The following MSH6 variants were observed in gnomAD, a reference collection of about 807,000 sequenced individuals.
MSH6 encodes the protein mutS homolog 6.
In MSH6, 85 loss-of-function variants were observed where a neutral mutation model predicts 119.1. The observed-to-expected ratio is 0.71, with a 90% confidence interval of 0.60 to 0.85. The LOEUF (loss-of-function observed/expected upper bound fraction) is 0.85, where lower values mean the gene tolerates loss of function less well. Ranked by LOEUF, MSH6 falls within the 40% of genes least tolerant of loss-of-function variation. MSH6 has a pLI of 0.00. For missense variants in MSH6, 2,163 were observed against 1,655.3 expected (o/e 1.31, Z -5.32); for synonymous variants, 830 against 586.9 (o/e 1.41, Z -5.99).
In MSH6 at chr2:47,798,608, C is replaced by T. The variant is rs3136332; in HGVS notation, c.628-3C>T. Reference sequence around the variant, plus strand: ...TTTTAAATACTCTTTCCTTGCCTGGCAGGTAGGCACAACTTACGTAACAGA... The same window carrying T: ...TTTTAAATACTCTTTCCTTGCCTGGTAGGTAGGCACAACTTACGTAACAGA... On this transcript the variant is annotated splice_region_variant and splice_polypyrimidine_tract_variant and intron_variant, in intron 3 of 9. Coordinates refer to ENST00000234420, the MANE Select transcript of MSH6 (RefSeq NM_000179.3). 3 of 1,608,888 alleles carry T rather than the reference C, an allele frequency of 1.9e-6. No homozygotes were observed. Among genetic ancestry groups the T allele is most frequent in the African/African-American group, 2.7e-5 (2 of 74,866 alleles).
At chr2:47,805,183 CTTT>C (rs35781475) in intron 6 of MSH6, among the ~76,000 whole-genome samples, 156 bp downstream of exon 6, 1 of 141,146 alleles carries the variant, frequency 7.1e-6, no homozygotes, top group African/African-American at 2.6e-5. Context: ...GTCTCTCTCT[CTTT>C]TTTTTTTTTT....
downstream of MSH6, chr2:47,807,333 A>G (rs2104599907): frequency 4.7e-6 from 1 of 213,782 alleles, no homozygotes; most frequent in African/African-American, 2.3e-5. Flanking sequence ...TTACAAGAAT[A>G]CTTTTGTTTT....
intron 3 of MSH6, chr2:47,798,073 C>G: frequency 9.5e-6 from 2 of 210,752 alleles, no homozygotes; most frequent in Non-Finnish European, 2.0e-5. Context: ...GTGTCTGCTA[C>G]ACTTACAGCA....
At position 47,806,369 on chromosome 2, in the gene MSH6, A is replaced by ATTGTTTTTTTCCACAAATTCGGTTTTTT. The variant is rs1553333219; in HGVS notation, c.3801+12_3801+39dup. 5.0e-6 allele frequency: 8 copies of ATTGTTTTTTTCCACAAATTCGGTTTTTT among 1,614,016 alleles called. No homozygotes were observed. The highest frequency in any genetic ancestry group is 6.8e-6 in the Non-Finnish European group (8 of 1,179,968). On this transcript the variant is annotated intron_variant, in intron 8 of 9. Coordinates refer to ENST00000234420, the MANE Select transcript of MSH6 (RefSeq NM_000179.3). ...CGCCTAGGACATATGGTATGTGCAA[A>ATTGTTTTTTTCCACAAATTCGGTTTTTT]TTGTTTTTTTCCACAAATTCGGTTT...
intron 3 of MSH6, among the ~76,000 whole-genome samples, 192 bp from the exon 4 acceptor site, chr2:47,798,419 C>G (rs1669225332): frequency 6.6e-6 from 1 of 152,184 alleles, no homozygotes; most frequent in Non-Finnish European, 1.5e-5. Context: ...TGGGCAAGAT[C>G]ATCTAACACA....
intron 1 of MSH6, among the ~76,000 whole-genome samples, chr2:47,788,906 C>CTTTT (rs1491155839): frequency 0.014 from 229 of 15,794 alleles, 29 homozygotes; most frequent in East Asian, 0.033. Context: ...CTTTCTTCTT[C>CTTTT]CTTTTTTTTT....
rs1166644274 is a variant in MSH6 at position 47,800,837 on chromosome 2, C to G, written c.2854C>G (p.Leu952Val). 8 of 1,614,066 alleles carry G rather than the reference C, an allele frequency of 5.0e-6. No homozygotes were observed. The highest frequency in any genetic ancestry group is 6.8e-6 in the Non-Finnish European group (8 of 1,179,998). The change falls in exon 4 of 10, where the codon CTG (leucine) becomes GTG (valine). Residue 952 changes from leucine (L) to valine (V), a missense_variant. Coordinates refer to ENST00000234420, the MANE Select transcript of MSH6 (RefSeq NM_000179.3). The part of the protein sequence containing the change: ...ADIRENEQSL[L>V]EYLEKQRNRI... ...CATAAGAGAAAATGAACAGAGCCTC[C>G]TGGAATACCTAGAGAAACAGCGCAA...
intron 1 of MSH6, among the ~76,000 whole-genome samples, chr2:47,788,907 C>CTTTTTTTTGTTT (rs1668533452): frequency 1.2e-4 from 2 of 17,296 alleles, no homozygotes; most frequent in South Asian, 1.7e-3. Context: ...TTTCTTCTTC[C>CTTTTTTTTGTTT]TTTTTTTTTT....
Position 47,795,882 on chromosome 2 carries a change from A to G in MSH6, c.458-12A>G. 1 of 1,613,100 alleles carries G rather than the reference A, an allele frequency of 6.2e-7. No individual in the cohort carries two copies. Among genetic ancestry groups the G allele is most frequent in the Non-Finnish European group, 8.5e-7 (1 of 1,179,282 alleles). ...CCCGGCCCTTATTGTTTATAAATACATTTCTTTCTAGGTTCAAAATCAAAG... is the reference window on the plus strand; with the variant it reads ...CCCGGCCCTTATTGTTTATAAATACGTTTCTTTCTAGGTTCAAAATCAAAG... On this transcript the variant is annotated splice_polypyrimidine_tract_variant and intron_variant, in intron 2 of 9. Transcript: ENST00000234420.
downstream of MSH6, chr2:47,807,837 T>C (rs1474588712): frequency 6.6e-6 from 2 of 303,704 alleles, no homozygotes; most frequent in African/African-American, 4.2e-5. Context: ...CACCAGCTTT[T>C]CAGAAGTTGG....
downstream of MSH6, chr2:47,808,609 G>A: frequency 1.9e-6 from 1 of 514,956 alleles, no homozygotes; most frequent in Non-Finnish European, 3.4e-6. Flanking sequence ...CCTGTCATCT[G>A]TGTCTTCGGA....
rs1437951642 is a variant in MSH6, at chr2:47,783,239, G to T, written c.6G>T (p.Ser2=). The T allele has an allele frequency of 6.2e-7, 1 of 1,611,368 alleles. No individual in the cohort carries two copies. The highest frequency in any genetic ancestry group is 1.3e-5 in the African/African-American group (1 of 74,634). Residue 2 remains serine (S), a synonymous_variant, in exon 1 of 10, where the codon TCG becomes TCT. Transcript: ENST00000234420. M[S]RQSTLYSFFP... ...GGGCCTTGCCGGCTGTCGGTATGTCGCGACAGAGCACCCTGTACAGCTTCT... is the reference window on the plus strand; with the variant it reads ...GGGCCTTGCCGGCTGTCGGTATGTCTCGACAGAGCACCCTGTACAGCTTCT...
chr2:47,801,254 C>G, intron 4 of MSH6, 99 bp downstream of exon 4: 2 of 1,196,062 alleles, frequency 1.7e-6, no homozygotes, highest in Non-Finnish European at 2.4e-6. Context: ...ATATATGGTA[C>G]ATATTTTGAC....
chr2:47,785,749 T>C (rs558631350), intron 1 of MSH6, among the ~76,000 whole-genome samples: 1 of 152,350 alleles, frequency 6.6e-6, no homozygotes, highest in East Asian at 1.9e-4. Flanking sequence ...ACGTATTGTT[T>C]ACTTGAGCAT....
At position 47,799,011 on chromosome 2, in the gene MSH6, C is replaced by T. The variant is rs548898238; in HGVS notation, c.1028C>T (p.Pro343Leu). ...AATACTTTGAGAGCTTTCTCTGCCC[C>T]TCAAAATTCTGAATCCCAAGCCCAC... ...TKNTLRAFSA[P>L]QNSESQAHVS... is the part of the protein sequence containing the mutation. Residue 343 changes from proline (P) to leucine (L), a missense_variant, in exon 4 of 10, where the codon CCT becomes CTT. Pro to Leu is a moderately conservative substitution (Grantham distance 98). Transcript: ENST00000234420. The T allele has an allele frequency of 4.3e-6, 7 of 1,614,220 alleles. 1 individual carries two copies. Among genetic ancestry groups the T allele is most frequent in the African/African-American group, 4.0e-5 (3 of 75,066 alleles).
intron 1 of MSH6, among the ~76,000 whole-genome samples, chr2:47,785,189 A>G (rs936726669): frequency 6.6e-6 from 1 of 151,786 alleles, no homozygotes; most frequent in Non-Finnish European, 1.5e-5. Context: ...AAAGGCTCAG[A>G]AAAAATAACT....
rs587779225 is a variant in MSH6 at position 47,800,028 on chromosome 2, C to G, written c.2045C>G (p.Ser682Cys). 19 of 1,614,038 alleles carry G rather than the reference C, an allele frequency of 1.2e-5. No individual in the cohort carries two copies. Among genetic ancestry groups the G allele is most frequent in the Non-Finnish European group, 1.4e-5 (17 of 1,180,030 alleles). The change falls in exon 4 of 10, where the codon TCT (serine) becomes TGT (cysteine). Residue 682 changes from serine to cysteine, a missense_variant. Transcript: ENST00000234420. Reference protein sequence around the residue: ...TPGEKSELALSALGGCVFYLK... With the variant: ...TPGEKSELALCALGGCVFYLK... Reference sequence around the variant, plus strand: ...GGAGAGAAAAGTGAATTGGCCCTCTCTGCTCTAGGTGGTTGTGTCTTCTAC... The same window carrying G: ...GGAGAGAAAAGTGAATTGGCCCTCTGTGCTCTAGGTGGTTGTGTCTTCTAC...
chr2:47,786,300 TC>T (rs764699243), intron 1 of MSH6, among the ~76,000 whole-genome samples: 3 of 151,950 alleles, frequency 2.0e-5, no homozygotes, highest in Admixed American at 6.6e-5. Context: ...TCGGACTTAC[TC>T]CATGAATCAT....
intron 3 of MSH6, among the ~76,000 whole-genome samples, chr2:47,796,553 C>T (rs1031348522): frequency 1.3e-5 from 2 of 152,204 alleles, no homozygotes; most frequent in Non-Finnish European, 2.9e-5. Context: ...CAGCTTTATG[C>T]TTTTAATTCT....
Sources: allele counts gnomAD v4.1 joint callset (sites outside exome capture counted in the v4.1 genomes callset), GRCh38; gene constraint gnomAD v4.1.1; transcripts MANE v1.5; gene names NCBI Gene and HGNC (gene_info 2026-07-23, HGNC 2026-07-21).